Variants in COL24A1 observed in about 807,000 individuals in gnomAD.
COL24A1 encodes collagen type XXIV alpha 1 chain, also known as collagen alpha-1(XXIV) chain.
COL24A1 carries 224 observed loss-of-function variants against 253.9 expected under a neutral mutation model. The ratio of observed to expected loss-of-function variants is 0.88; its 90% CI spans 0.79 to 0.99. The LOEUF (loss-of-function observed/expected upper bound fraction) is 0.99, where lower values mean the gene tolerates loss of function less well. Among genes scored for constraint, COL24A1 ranks in the 50% least tolerant of loss-of-function variants. COL24A1 has a pLI of 0.00. For missense variants in COL24A1, 2,131 were observed against 2,068.5 expected, an observed-to-expected ratio of 1.03 and a Z score of -0.59; for synonymous variants, 685 against 673.7, an observed-to-expected ratio of 1.02 and a Z score of -0.26.
intron 47 of COL24A1, among the ~76,000 whole-genome samples, chr1:85,792,014 C>T (rs1670328174): frequency 6.6e-6 from 1 of 151,972 alleles, no homozygotes; most frequent in Non-Finnish European, 1.5e-5. Flanking sequence ...TCTTGCATTA[C>T]AAAATTTTTA....
intron 22 of COL24A1, among the ~76,000 whole-genome samples, chr1:85,966,657 G>A (rs1691596204): frequency 6.6e-6 from 1 of 152,120 alleles, no homozygotes; most frequent in Admixed American, 6.6e-5. Context: ...GGAGGAGAGA[G>A]TGATCTTGTC....
chr1:85,846,874 G>A (rs1677193711), intron 39 of COL24A1, among the ~76,000 whole-genome samples: 2 of 152,012 alleles, frequency 1.3e-5, no homozygotes, highest in Admixed American at 6.6e-5. Flanking sequence ...ATAGAATACC[G>A]AAAATAAGCC....
At chr1:85,913,663 CT>C (rs1243634701) in intron 24 of COL24A1, among the ~76,000 whole-genome samples, 1 of 152,188 alleles carries the variant, frequency 6.6e-6, no homozygotes, top group Non-Finnish European at 1.5e-5. Context: ...TTGCTTAATT[CT>C]GCCTTCCATA....
At chr1:85,770,400 T>C (rs1667824315) in intron 53 of COL24A1, among the ~76,000 whole-genome samples, 2 of 152,104 alleles carry the variant, frequency 1.3e-5, no homozygotes, top group African/African-American at 2.4e-5. Context: ...ATGGGCCTTA[T>C]GTACTTGGTT....
chr1:85,971,648 T>C (rs1412552567), intron 20 of COL24A1, among the ~76,000 whole-genome samples: 1 of 152,190 alleles, frequency 6.6e-6, no homozygotes, highest in East Asian at 1.9e-4. Context: ...TCCAGACACC[T>C]TTTCAGAAAA....
intron 55 of COL24A1, among the ~76,000 whole-genome samples, chr1:85,748,525 AG>A (rs1665534813): frequency 6.6e-6 from 1 of 152,216 alleles, no homozygotes; most frequent in Non-Finnish European, 1.5e-5. Context: ...GGACAGAGGG[AG>A]GAGCCAAGAT....
At chr1:85,810,046 C>T (rs930211494) in intron 47 of COL24A1, among the ~76,000 whole-genome samples, 1 of 147,018 alleles carries the variant, frequency 6.8e-6, no homozygotes, top group African/African-American at 2.5e-5. Flanking sequence ...AGGAGGTCAG[C>T]AGCACTTGTT....
intron 43 of COL24A1, among the ~76,000 whole-genome samples, chr1:85,825,709 G>A (rs1674225798): frequency 6.8e-6 from 1 of 146,444 alleles, no homozygotes; most frequent in African/African-American, 2.6e-5. Flanking sequence ...TTTTTTGGCT[G>A]CATAAATGTC....
intron 2 of COL24A1, among the ~76,000 whole-genome samples, chr1:86,136,494 ATATC>A (rs1463834772): frequency 1.3e-5 from 2 of 152,080 alleles, no homozygotes; most frequent in Non-Finnish European, 2.9e-5. Flanking sequence ...CTATTGTATG[ATATC>A]CAAGGCCAAA....
At chr1:86,100,631 A>G (rs1196404761) in intron 5 of COL24A1, among the ~76,000 whole-genome samples, 1 of 152,150 alleles carries the variant, frequency 6.6e-6, no homozygotes, top group African/African-American at 2.4e-5. Context: ...GGATCCCTAA[A>G]TAGCTTTCAG....
At chr1:85,984,337 C>T (rs1693524875) in intron 20 of COL24A1, among the ~76,000 whole-genome samples, 1 of 151,810 alleles carries the variant, frequency 6.6e-6, no homozygotes, top group Admixed American at 6.6e-5. Flanking sequence ...GAATCTATTG[C>T]TCAATTATCT....
intron 33 of COL24A1, among the ~76,000 whole-genome samples, chr1:85,875,542 T>TCCA (rs1411802159): frequency 6.6e-6 from 1 of 152,164 alleles, no homozygotes; most frequent in East Asian, 1.9e-4. Flanking sequence ...ACTTTTAAGA[T>TCCA]CCATTTCTTC....
intron 5 of COL24A1, among the ~76,000 whole-genome samples, chr1:86,112,110 T>C (rs1011076605): frequency 2.0e-5 from 3 of 152,242 alleles, no homozygotes; most frequent in African/African-American, 7.2e-5. Flanking sequence ...AGGTTAGTTG[T>C]TTTCATAAAC....
chr1:85,743,578 A>G (rs1255599186), intron 57 of COL24A1, among the ~76,000 whole-genome samples: 2 of 152,132 alleles, frequency 1.3e-5, no homozygotes, highest in Non-Finnish European at 1.5e-5. Context: ...TGAACACTGC[A>G]CAATCCACAC....
chr1:86,052,340 A>C (rs1158286209), intron 10 of COL24A1, among the ~76,000 whole-genome samples: 1 of 152,156 alleles, frequency 6.6e-6, no homozygotes, highest in East Asian at 1.9e-4. Flanking sequence ...GTAAATGTTC[A>C]TTAACAGATG....
At chr1:85,762,034 A>G (rs1666897414) in intron 53 of COL24A1, among the ~76,000 whole-genome samples, 1 of 152,220 alleles carries the variant, frequency 6.6e-6, no homozygotes, top group Non-Finnish European at 1.5e-5. Flanking sequence ...AATTAAATGA[A>G]TGAATGATGT....
chr1:85,956,039 T>C (rs568831757), intron 24 of COL24A1, among the ~76,000 whole-genome samples: 23 of 152,124 alleles, frequency 1.5e-4, no homozygotes, highest in African/African-American at 1.9e-4. Flanking sequence ...ACAGGACAAA[T>C]TGATGATTAC....
Position 85,729,897 on chromosome 1 carries a change from A to G in COL24A1, c.*649T>C, listed in dbSNP as rs946175460. The G allele has an allele frequency of 4.6e-5, 7 of 152,634 alleles. No homozygotes were observed. Among genetic ancestry groups the G allele is most frequent in the Admixed American group, 2.0e-4 (3 of 15,280 alleles). The allele number at this position is 152,634 out of a possible 1,614,324, so 9.5% of individuals were successfully genotyped here. A position where few individuals can be genotyped will look rare whatever the true frequency, so the allele number is the denominator to read the frequency against. ...CACGTGTTATTAAGTGTGTGACCAA[A>G]CAAATTAAAATAAGTACTAACAACC... On this transcript the variant is annotated 3_prime_UTR_variant, in exon 60 of 60. Coordinates refer to ENST00000370571, the MANE Select transcript of COL24A1 (RefSeq NM_152890.7).
chr1:86,088,385 A>G (rs1361708697), intron 7 of COL24A1, among the ~76,000 whole-genome samples: 2 of 152,178 alleles, frequency 1.3e-5, no homozygotes, highest in Admixed American at 6.5e-5. Flanking sequence ...CTGCCCTACA[A>G]TATTTTGGTG....
Sources: allele counts gnomAD v4.1 joint callset (sites outside exome capture counted in the v4.1 genomes callset), GRCh38; gene constraint gnomAD v4.1.1; transcripts MANE v1.5; gene names NCBI Gene and HGNC (gene_info 2026-07-23, HGNC 2026-07-21).